Variants in SLC5A1 observed in about 807,000 individuals in gnomAD.
SLC5A1 encodes sodium/glucose cotransporter 1.
In SLC5A1, 42 loss-of-function variants were observed where a neutral mutation model predicts 73.5. That is an observed-to-expected ratio of 0.57 (90% CI 0.45 to 0.74). The LOEUF is 0.74. Among genes scored for constraint, SLC5A1 ranks in the 30% least tolerant of loss-of-function variants. The pLI is 0.00. For missense variants in SLC5A1, 634 were observed against 855.4 expected (o/e 0.74, Z 3.23); for synonymous variants, 300 against 317.4 (o/e 0.95, Z 0.58).
intron 9 of SLC5A1, among the ~76,000 whole-genome samples, chr22:32,085,913 G>A (rs1324738316): frequency 2.6e-5 from 4 of 151,986 alleles, no homozygotes; most frequent in East Asian, 1.9e-4. Context: ...AGGCTGAGGC[G>A]GGTGGATCAC....
intron 10 of SLC5A1, among the ~76,000 whole-genome samples, chr22:32,091,396 G>A (rs145843287): frequency 8.0e-4 from 121 of 151,700 alleles, no homozygotes; most frequent in African/African-American, 2.7e-3. Flanking sequence ...AGTATGTTGT[G>A]TCTCTGGCTC....
intron 13 of SLC5A1, among the ~76,000 whole-genome samples, chr22:32,102,987 A>G (rs2094039095): frequency 6.6e-6 from 1 of 152,206 alleles, no homozygotes; most frequent in South Asian, 2.1e-4. Flanking sequence ...GGACACTTAG[A>G]TTGATTCCAT....
At chr22:32,064,034 G>A (rs2093968164) in intron 2 of SLC5A1, among the ~76,000 whole-genome samples, 1 of 152,198 alleles carries the variant, frequency 6.6e-6, no homozygotes, top group African/African-American at 2.4e-5. Flanking sequence ...AGATATTGGA[G>A]AGGACTTTTT....
chr22:32,073,397 T>A (rs78576900), intron 5 of SLC5A1, among the ~76,000 whole-genome samples: 18,409 of 152,096 alleles, frequency 0.12, 1,329 homozygotes, highest in African/African-American at 0.21. Flanking sequence ...TGTCTTGGAG[T>A]TGGGGCCAAC....
intron 14 of SLC5A1, among the ~76,000 whole-genome samples, chr22:32,107,522 T>G (rs1199044612): frequency 6.6e-6 from 1 of 152,230 alleles, no homozygotes; most frequent in African/African-American, 2.4e-5. Context: ...CATAAAAGTA[T>G]TCTAAATGAA....
intron 10 of SLC5A1, among the ~76,000 whole-genome samples, chr22:32,091,292 TACACAA>T (rs1466422499): frequency 5.1e-4 from 42 of 82,946 alleles, no homozygotes; most frequent in African/African-American, 1.8e-3. Flanking sequence ...GAAACACACA[TACACAA>T]ACACACACAC....
chr22:32,079,851 G>A (rs1009984124), intron 5 of SLC5A1, among the ~76,000 whole-genome samples: 1 of 152,130 alleles, frequency 6.6e-6, no homozygotes, highest in Non-Finnish European at 1.5e-5. Flanking sequence ...AGGAAGAAGT[G>A]GCCATTTCAC....
At chr22:32,087,136 A>G (rs1284246703) in intron 10 of SLC5A1, among the ~76,000 whole-genome samples, 3 of 152,218 alleles carry the variant, frequency 2.0e-5, no homozygotes, top group Admixed American at 6.5e-5. Flanking sequence ...CAATGGATAC[A>G]AAATTTCAGT....
At chr22:32,095,199 G>A (rs1311416994) in intron 11 of SLC5A1, among the ~76,000 whole-genome samples, 1 of 152,174 alleles carries the variant, frequency 6.6e-6, no homozygotes, top group Non-Finnish European at 1.5e-5. Flanking sequence ...ACTGTGGTCT[G>A]AGAGAGTACT....
intron 5 of SLC5A1, among the ~76,000 whole-genome samples, chr22:32,070,355 T>C (rs1459719684): frequency 6.7e-6 from 1 of 149,236 alleles, no homozygotes; most frequent in Non-Finnish European, 1.5e-5. Flanking sequence ...AGATAGGGTC[T>C]TGCTGTATTA....
intron 1 of SLC5A1, among the ~76,000 whole-genome samples, chr22:32,047,774 C>T (rs1462218137): frequency 6.6e-6 from 1 of 152,190 alleles, no homozygotes; most frequent in Non-Finnish European, 1.5e-5. Context: ...TTACAAGTGT[C>T]TAAGTGCCTG....
At chr22:32,073,690 G>A (rs2093986316) in intron 5 of SLC5A1, among the ~76,000 whole-genome samples, 1 of 151,956 alleles carries the variant, frequency 6.6e-6, no homozygotes, top group Admixed American at 6.6e-5. Context: ...CTGAGTAGCT[G>A]GGATTACAGC....
chr22:32,076,923 C>T (rs1235623186), intron 5 of SLC5A1, among the ~76,000 whole-genome samples: 2 of 152,280 alleles, frequency 1.3e-5, no homozygotes, highest in African/African-American at 2.4e-5. Flanking sequence ...GAACAACACC[C>T]CTGGGCTAAA....
At chr22:32,045,632 A>G (rs1320325455) in intron 1 of SLC5A1, among the ~76,000 whole-genome samples, 1 of 152,144 alleles carries the variant, frequency 6.6e-6, no homozygotes. Context: ...ATCTCTTCCA[A>G]CATTATTTGG....
chr22:32,065,736 T>A (rs1603114397), intron 2 of SLC5A1, among the ~76,000 whole-genome samples: 1 of 152,204 alleles, frequency 6.6e-6, no homozygotes, highest in Non-Finnish European at 1.5e-5. Context: ...TTCTGAGAAC[T>A]TCTTCTGGCT....
rs771433372 is a variant in SLC5A1 at position 32,099,223 on chromosome 22, G to A, written c.1321G>A (p.Val441Met). The stretch of plus-strand genomic sequence containing the variant: ...GCTGATTGGCATCAGCATCGCCTGG[G>A]TGCCCATTGTGCAGTCAGCACAAAG... Reference protein sequence around the residue: ...LVLIGISIAWVPIVQSAQSGQ... With the variant: ...LVLIGISIAWMPIVQSAQSGQ... Residue 441 changes from valine (V) to methionine (M), a missense_variant, in exon 12 of 15, where the codon GTG (valine) becomes ATG (methionine). Physicochemically the swap from Val to Met is conservative, Grantham distance 21. Around this residue, in one of 3 missense-constraint regions of SLC5A1, gnomAD observed 422 missense variants for 626.1 expected, o/e 0.67. Transcript: ENST00000266088. 3.1e-6 allele frequency: 5 copies of A among 1,612,326 alleles called. No individual in the cohort carries two copies. The highest frequency in any genetic ancestry group is 4.2e-6 in the Non-Finnish European group (5 of 1,179,592).
intron 2 of SLC5A1, among the ~76,000 whole-genome samples, chr22:32,060,672 C>T (rs909323774): frequency 6.6e-5 from 10 of 152,220 alleles, no homozygotes; most frequent in Middle Eastern, 3.4e-3. Flanking sequence ...TGGGCTCAAG[C>T]GATCCTCCCA....
intron 5 of SLC5A1, among the ~76,000 whole-genome samples, chr22:32,080,681 G>A (rs147228934): frequency 1.0e-3 from 152 of 152,244 alleles, no homozygotes; most frequent in African/African-American, 3.4e-3. Flanking sequence ...GTCCAGTTTC[G>A]TCCACACCTG....
intron 2 of SLC5A1, among the ~76,000 whole-genome samples, chr22:32,051,810 C>A (rs1031259135): frequency 6.6e-6 from 1 of 152,236 alleles, no homozygotes; most frequent in Non-Finnish European, 1.5e-5. Context: ...GCTATGCAAT[C>A]TCTGTCACAA....
Sources: gnomAD v4.1 joint callset for allele counts (sites outside exome capture counted in the v4.1 genomes callset) on GRCh38, gnomAD v4.1.1 for gene constraint, gnomAD v4.1.1 regional missense constraint, MANE v1.5 for transcripts, NCBI Gene and HGNC (gene_info 2026-07-23, HGNC 2026-07-21) for gene names.